Variants in MKNK2 observed in about 807,000 individuals in gnomAD.
MKNK2 encodes the protein MAP kinase-interacting serine/threonine-protein kinase 2.
Under a neutral mutation model 55.0 loss-of-function variants are expected in MKNK2, and 54 were observed. That is an observed-to-expected ratio of 0.98 (90% CI 0.79 to 1.23). MKNK2 has a LOEUF of 1.23. Ranked by LOEUF, MKNK2 falls within the 50% of genes most tolerant of loss-of-function variation. MKNK2 has a pLI of 0.00. For missense variants in MKNK2, 685 were observed against 632.1 expected (o/e 1.08, Z -0.90); for synonymous variants, 323 against 256.0 (o/e 1.26, Z -2.50).
chr19:2,050,040 G>T (rs2017080146), intron 2 of MKNK2, among the ~76,000 whole-genome samples: 1 of 152,200 alleles, frequency 6.6e-6, no homozygotes, highest in African/African-American at 2.4e-5. Flanking sequence ...CCCGGCCTGA[G>T]GGGTGGGGCG....
In MKNK2 at chr19:2,041,923, G is replaced by C; in HGVS notation, c.862C>G (p.Leu288Val). Residue 288 changes from leucine to valine, a missense_variant, in exon 11 of 14, where the codon CTA becomes GTA. Physicochemically the swap from Leu to Val is conservative, Grantham distance 32. Transcript: ENST00000250896. ...ACGAAGGGCGGGTAGCCGCTGAGTA[G>C]GATATACAAGATGACGCCCAGGCTC... The part of the protein sequence containing the change: ...LWSLGVILYI[L>V]LSGYPPFVGR... The C allele has an allele frequency of 1.3e-6, 2 of 1,551,050 alleles. No homozygotes were observed. Among genetic ancestry groups the C allele is most frequent in the East Asian group, 2.4e-5 (1 of 40,980 alleles).
intron 5 of MKNK2, 83 bp downstream of exon 5, chr19:2,046,103 G>A: frequency 7.3e-7 from 1 of 1,369,246 alleles, no homozygotes; most frequent in Non-Finnish European, 1.0e-6. Flanking sequence ...AGGACGGACA[G>A]CCGGAATGCC....
rs143409655 is a variant in MKNK2, at chr19:2,039,658, G to A, written c.1353C>T (p.Ala451=). The A allele has an allele frequency of 4.3e-5, 70 of 1,612,934 alleles. No homozygotes were observed. The highest frequency in any genetic ancestry group is 5.3e-5 in the Non-Finnish European group (63 of 1,179,866). Residue 451 remains alanine, a synonymous_variant, in exon 14 of 14, where the codon GCC becomes GCT. Transcript: ENST00000250896. The part of the protein sequence containing the change: ...QSKLAQRRQR[A]SLSSAPVVLV... Reference sequence around the variant, plus strand: ...GGACCACTGGGGCCGAGGACAGACTGGCCCTTTGCCGCCGCTGCGCCAGCT... The same window carrying A: ...GGACCACTGGGGCCGAGGACAGACTAGCCCTTTGCCGCCGCTGCGCCAGCT...
rs887746719 is a variant in MKNK2, at chr19:2,037,961, C to A, written c.*1652G>T. 134 of 1,381,552 alleles carry A rather than the reference C, an allele frequency of 9.7e-5. No homozygotes were observed. The highest frequency in any genetic ancestry group is 1.2e-4 in the Non-Finnish European group (125 of 1,056,912). The allele number at this position is 1,381,552 out of a possible 1,614,324, so 85.6% of individuals were successfully genotyped here. A position where few individuals can be genotyped will look rare whatever the true frequency, so the allele number is the denominator to read the frequency against. On this transcript the variant is annotated 3_prime_UTR_variant, in exon 14 of 14. Coordinates refer to ENST00000250896, the MANE Select transcript of MKNK2 (RefSeq NM_199054.3). ...TCTTTGATACAAAAAGGCAGAGAAT[C>A]CCCCGTTACGAAACATGGAATCACT...
chr19:2,046,408 T>G lies in MKNK2; in HGVS notation c.200A>C (p.Lys67Thr). 1 of 1,608,860 alleles carries G rather than the reference T, an allele frequency of 6.2e-7. No homozygotes were observed. The part of the protein sequence containing the change: ...PDAKKRGKKK[K>T]RGRATDSFSG... Reference sequence around the variant, plus strand: ...GAAGCTGTCGGTGGCCCGGCCGCGCTTCTTCTTCTTGCCCCTCTTCTTGGC... The same window carrying G: ...GAAGCTGTCGGTGGCCCGGCCGCGCGTCTTCTTCTTGCCCCTCTTCTTGGC... Residue 67 changes from lysine (K) to threonine (T), a missense_variant, in exon 4 of 14, where the codon AAG becomes ACG. Transcript: ENST00000250896.
rs1442506804 is a variant in MKNK2 at position 2,038,741 on chromosome 19, C to T, written c.*872G>A. The T allele has an allele frequency of 7.1e-6, 7 of 985,600 alleles. No homozygotes were observed. In the East Asian group the frequency reaches 5.7e-4, roughly 80 times the overall value. 61.1% of individuals were successfully genotyped at this position (985,600 alleles called of 1,614,324 possible). On this transcript the variant is annotated 3_prime_UTR_variant, in exon 14 of 14. Transcript: ENST00000250896. ...GCACTCGGGTGCCCCAAGGGGGTGT[C>T]TTCAGGACCCCCCACATTGGCTGAC...
At chr19:2,046,543 G>A in intron 3 of MKNK2, 61 bp downstream of exon 3, 1 of 1,556,988 alleles carries the variant, frequency 6.4e-7, no homozygotes, top group Non-Finnish European at 8.7e-7. Context: ...TGCAGGGGCT[G>A]GCCACTGCCA....
At chr19:2,043,063 G>A in intron 7 of MKNK2, 61 bp downstream of exon 7, 2 of 1,452,344 alleles carry the variant, frequency 1.4e-6, no homozygotes, top group Non-Finnish European at 1.9e-6. Context: ...GTGGCACTAG[G>A]CCCCCATCCC....
rs967341781 is a variant in MKNK2 at position 2,048,500 on chromosome 19, G to A, written c.52-1809C>T. The stretch of plus-strand genomic sequence containing the variant: ...TTCACCCGTCTGGGTGAACCCAGGC[G>A]GGAGGGGCCCACAGAGGTGGCGGGG... On this transcript the variant is annotated intron_variant, in intron 2 of 13. Coordinates refer to ENST00000250896, the MANE Select transcript of MKNK2 (RefSeq NM_199054.3). 3.3e-5 allele frequency among the ~76,000 whole-genome samples: 5 copies of A among 152,100 alleles called. No homozygotes were observed. In the South Asian group the frequency reaches 1.0e-3, roughly 31 times the overall value.
Position 2,042,526 on chromosome 19 carries a change from G to A in MKNK2, c.655-4C>T, listed in dbSNP as rs773046464. On this transcript the variant is annotated splice_region_variant and splice_polypyrimidine_tract_variant and intron_variant, in intron 9 of 13. Coordinates refer to ENST00000250896, the MANE Select transcript of MKNK2 (RefSeq NM_199054.3). ...CACAGATCTTCACGGGGGAGACCTG[G>A]GAGGGGCCAAAAGGTCCGTGAGCCT... 1.3e-6 allele frequency: 2 copies of A among 1,592,110 alleles called. No individual in the cohort carries two copies. The highest frequency in any genetic ancestry group is 1.1e-5 in the South Asian group (1 of 87,400).
intron 10 of MKNK2, 60 bp from the exon 11 acceptor site, chr19:2,042,094 CCG>C (rs2016899084): frequency 2.9e-6 from 4 of 1,390,010 alleles, no homozygotes; most frequent in Non-Finnish European, 3.8e-6. Flanking sequence ...GGAACCGAGC[CCG>C]GGTAACTGCG....
At chr19:2,040,904 G>A (rs543911462) in intron 12 of MKNK2, 136 bp downstream of exon 12, 3 of 889,164 alleles carry the variant, frequency 3.4e-6, no homozygotes, top group East Asian at 5.1e-5. Flanking sequence ...CCTCATCCCA[G>A]GGCAGAGCCT....
intron 13 of MKNK2, 132 bp downstream of exon 13, chr19:2,040,002 G>C (rs957710275): frequency 2.2e-6 from 3 of 1,369,658 alleles, no homozygotes; most frequent in East Asian, 2.4e-5. Context: ...GCCCCACCGG[G>C]AGCTTCACTG....
At chr19:2,040,342 G>A (rs1361332790) in intron 12 of MKNK2, 165 bp from the exon 13 acceptor site, 1 of 608,034 alleles carries the variant, frequency 1.6e-6, no homozygotes, top group Non-Finnish European at 2.8e-6. Flanking sequence ...CCACCCCGAG[G>A]TCCCTATGGT....
At position 2,040,256 on chromosome 19, in the gene MKNK2, G is replaced by A. The variant is rs567999916; in HGVS notation, c.1111-79C>T. The A allele has an allele frequency of 4.0e-6, 5 of 1,255,354 alleles. No homozygotes were observed. The South Asian group carries it at 6.0e-5, about 15-fold the overall frequency. 77.8% of individuals were successfully genotyped at this position (1,255,354 alleles called of 1,614,324 possible). A position where few individuals can be genotyped will look rare whatever the true frequency, so the allele number is the denominator to read the frequency against. On this transcript the variant is annotated intron_variant, in intron 12 of 13. Coordinates refer to ENST00000250896, the MANE Select transcript of MKNK2 (RefSeq NM_199054.3). Reference sequence around the variant, plus strand: ...GCGCTGGGTGGGGTGTCTGGCCAAGGGATGCCATGCCCATCCCATCACCAG... The same window carrying A: ...GCGCTGGGTGGGGTGTCTGGCCAAGAGATGCCATGCCCATCCCATCACCAG...
At chr19:2,044,521 T>A (rs185887665) in intron 5 of MKNK2, among the ~76,000 whole-genome samples, 2 of 151,972 alleles carry the variant, frequency 1.3e-5, no homozygotes, top group Admixed American at 6.5e-5. Context: ...AGGCTGGACA[T>A]GTTAGCCCCT....
chr19:2,043,896 C>T (rs1461506454), intron 5 of MKNK2, among the ~76,000 whole-genome samples: 1 of 148,962 alleles, frequency 6.7e-6, no homozygotes, highest in Non-Finnish European at 1.5e-5. Context: ...ATCACTTGAA[C>T]CCGGGAGGTG....
chr19:2,050,989 C>T (rs1479295314), intron 1 of MKNK2, 42 bp from the exon 2 acceptor site: 1 of 491,232 alleles, frequency 2.0e-6, no homozygotes, highest in African/African-American at 2.1e-5. Flanking sequence ...TGAGCGGAGC[C>T]CGGCCTGCCA....
intron 12 of MKNK2, chr19:2,040,733 T>C: frequency 2.4e-6 from 1 of 424,490 alleles, no homozygotes; most frequent in African/African-American, 2.0e-5. Flanking sequence ...TAGGCTGGGG[T>C]CTATGTGAGC....
Sources: allele counts gnomAD v4.1 joint callset (sites outside exome capture counted in the v4.1 genomes callset), GRCh38; gene constraint gnomAD v4.1.1; transcripts MANE v1.5; gene names NCBI Gene and HGNC (gene_info 2026-07-23, HGNC 2026-07-21).